Variants in CDH22 observed in about 807,000 individuals in gnomAD.
CDH22 encodes cadherin 22, also known as cadherin-22.
CDH22 carries 30 observed loss-of-function variants against 58.4 expected under a neutral mutation model. The observed-to-expected ratio is 0.51, with a 90% CI of 0.38 to 0.70. The LOEUF is 0.70. CDH22 is among the 30% of genes least tolerant of loss of function. CDH22 has a pLI of 0.00. For missense variants in CDH22, 1,014 were observed against 1,233.9 expected, an observed-to-expected ratio of 0.82 and a Z score of 2.67; for synonymous variants, 513 against 558.2, an observed-to-expected ratio of 0.92 and a Z score of 1.14.
At chr20:46,267,136 A>G (rs537374042) in intron 1 of CDH22, among the ~76,000 whole-genome samples, 1 of 152,080 alleles carries the variant, frequency 6.6e-6, no homozygotes, top group Non-Finnish European at 1.5e-5. Context: ...CTTGTCCAAG[A>G]TTACAGCCAG....
intron 1 of CDH22, among the ~76,000 whole-genome samples, chr20:46,253,580 G>A (rs115821116): frequency 0.01 from 1,555 of 152,276 alleles, 23 homozygotes; most frequent in African/African-American, 0.035. Context: ...GCCCTGCTCC[G>A]CAAGCCCTGC....
At chr20:46,232,269 G>T (rs2086225026) in intron 3 of CDH22, among the ~76,000 whole-genome samples, 1 of 152,112 alleles carries the variant, frequency 6.6e-6, no homozygotes, top group Non-Finnish European at 1.5e-5. Context: ...TCTGGGAGTG[G>T]GTGGTGCTGC....
intron 1 of CDH22, among the ~76,000 whole-genome samples, chr20:46,262,570 A>G (rs1193998073): frequency 6.6e-6 from 1 of 152,202 alleles, no homozygotes; most frequent in African/African-American, 2.4e-5. Flanking sequence ...TTAGAGTAAC[A>G]AAAGGTTTTT....
intron 10 of CDH22, among the ~76,000 whole-genome samples, chr20:46,178,892 A>G (rs2085763493): frequency 6.6e-6 from 1 of 152,030 alleles, no homozygotes; most frequent in Non-Finnish European, 1.5e-5. Context: ...GGGCCTGATG[A>G]GGGGCCCTGG....
intron 1 of CDH22, among the ~76,000 whole-genome samples, chr20:46,261,479 C>T (rs1452903322): frequency 6.6e-6 from 1 of 152,190 alleles, no homozygotes; most frequent in East Asian, 1.9e-4. Context: ...TTGCCTCCTG[C>T]TCCAGCGCCA....
intron 1 of CDH22, among the ~76,000 whole-genome samples, chr20:46,303,763 G>A (rs149455279): frequency 3.9e-5 from 6 of 152,156 alleles, no homozygotes; most frequent in East Asian, 1.9e-4. Flanking sequence ...GGATGCAGAC[G>A]GATTACAAGG....
intron 1 of CDH22, among the ~76,000 whole-genome samples, chr20:46,285,982 A>G (rs2086575191): frequency 6.6e-6 from 1 of 152,210 alleles, no homozygotes; most frequent in South Asian, 2.1e-4. Flanking sequence ...CATTTTTGTC[A>G]GGCCTTCAGG....
chr20:46,188,097 T>G (rs1321001), intron 8 of CDH22, among the ~76,000 whole-genome samples: 42,206 of 152,066 alleles, frequency 0.28, 7,929 homozygotes, highest in African/African-American at 0.53. Context: ...ATATGGTACA[T>G]GTAAATTCTA....
Position 46,210,338 on chromosome 20 carries a change from G to C in CDH22, c.1255C>G (p.Arg419Gly). 1 of 1,462,000 alleles carries C rather than the reference G, an allele frequency of 6.8e-7. No homozygotes were observed. The highest frequency in any genetic ancestry group is 1.3e-5 in the South Asian group (1 of 75,916). The allele number at this position is 1,462,000 out of a possible 1,614,324, so 90.6% of individuals were successfully genotyped here. A position where few individuals can be genotyped will look rare whatever the true frequency, so the allele number is the denominator to read the frequency against. Residue 419 changes from arginine to glycine, a missense_variant, in exon 7 of 12, where the codon CGG becomes GGG. By Grantham distance (125) the Arg-to-Gly change is moderately radical (BLOSUM62 -2). Transcript: ENST00000537909. The surrounding 1 kb of genome is among the most constrained non-coding windows in gnomAD (Gnocchi z 4.5). ...GGCCGGTTGGCGGCGTCGGGGTCCC[G>C]CGCCGTCACCACGCCGACCAGGGAG... ...VGSLVGVVTA[R>G]DPDAANRPVR...
intron 4 of CDH22, among the ~76,000 whole-genome samples, chr20:46,221,908 A>G (rs550975127): frequency 1.3e-4 from 20 of 152,202 alleles, no homozygotes; most frequent in Non-Finnish European, 2.6e-4. Context: ...TCACTCATTC[A>G]TTCATTACAG....
At chr20:46,259,659 C>T (rs556440155) in intron 1 of CDH22, among the ~76,000 whole-genome samples, 7 of 152,142 alleles carry the variant, frequency 4.6e-5, no homozygotes, top group Non-Finnish European at 1.0e-4. Flanking sequence ...GGAGGGCTGC[C>T]TGGAGGAGGG....
chr20:46,174,403 G>A lies in CDH22; in HGVS notation c.*103C>T. On this transcript the variant is annotated 3_prime_UTR_variant, in exon 12 of 12. Coordinates refer to ENST00000537909, the MANE Select transcript of CDH22 (RefSeq NM_021248.3). This position sits in a 1 kb window ranked among gnomAD's most constrained non-coding sequence, Gnocchi z 4.4. ...TCCGTCCAGCCGCCAAGGGAGGGTT[G>A]GGGGAGGGCAGGAAAGGGGGTCCGC... The A allele has an allele frequency of 1.3e-6, 1 of 779,970 alleles. No individual in the cohort carries two copies. The highest frequency in any genetic ancestry group is 1.9e-6 in the Non-Finnish European group (1 of 527,032). The allele number at this position is 779,970 out of a possible 1,614,324, so 48.3% of individuals were successfully genotyped here.
At chr20:46,227,330 T>C (rs1353049291) in intron 4 of CDH22, among the ~76,000 whole-genome samples, 178 bp downstream of exon 4, 1 of 152,202 alleles carries the variant, frequency 6.6e-6, no homozygotes, top group Non-Finnish European at 1.5e-5. Flanking sequence ...TCTTCCTGCC[T>C]GGCTGCCCCT....
At chr20:46,226,334 A>G (rs143546193) in intron 4 of CDH22, among the ~76,000 whole-genome samples, 2,796 of 142,986 alleles carry the variant, frequency 0.02, 74 homozygotes, top group African/African-American at 0.049. Flanking sequence ...TGCTCAGGCT[A>G]GAGTGTGATG....
intron 7 of CDH22, among the ~76,000 whole-genome samples, chr20:46,205,030 T>A (rs1170759251): frequency 6.6e-6 from 1 of 151,710 alleles, no homozygotes; most frequent in Non-Finnish European, 1.5e-5. Context: ...CGGGGTGTAG[T>A]TCGGGAGCCT....
Position 46,186,600 on chromosome 20 carries a change from G to A in CDH22, c.1651C>T (p.Leu551Phe), listed in dbSNP as rs1192976787. The A allele has an allele frequency of 6.2e-7, 1 of 1,610,822 alleles. No homozygotes were observed. The highest frequency in any genetic ancestry group is 8.5e-7 in the Non-Finnish European group (1 of 1,178,696). ...EAPSNPHFSL[L>F]DIQDNTAAVH... Reference sequence around the variant, plus strand: ...TTTGGAGGCTCACCTTGGATGTCAAGCAGAGAGAAATGAGGGTTGCTGGGA... The same window carrying A: ...TTTGGAGGCTCACCTTGGATGTCAAACAGAGAGAAATGAGGGTTGCTGGGA... Residue 551 changes from leucine to phenylalanine, a missense_variant, in exon 10 of 12, where the codon CTT becomes TTT. Coordinates refer to ENST00000537909, the MANE Select transcript of CDH22 (RefSeq NM_021248.3).
In CDH22 at chr20:46,262,179, G is replaced by A. The variant is rs995790336; in HGVS notation, c.-399-10486C>T. On this transcript the variant is annotated intron_variant, in intron 1 of 11. Transcript: ENST00000537909. ...GATGCACGTGTAGTGTTGGGACAGA[G>A]GGTGTTTGCATCTCTGAGTGTATTT... is the stretch of plus-strand genomic sequence containing the variant. Among the ~76,000 whole-genome samples the A allele has an allele frequency of 1.2e-3, 184 of 151,758 alleles. 4 individuals carry two copies. The highest frequency in any genetic ancestry group is 6.0e-4 in the Non-Finnish European group (41 of 67,930).
chr20:46,294,691 A>G (rs1421929572), intron 1 of CDH22, among the ~76,000 whole-genome samples: 4 of 152,062 alleles, frequency 2.6e-5, no homozygotes, highest in South Asian at 2.1e-4. Context: ...GCTCCCCCCA[A>G]CCTCTGCTGG....
chr20:46,247,796 CA>C (rs1198554911), intron 2 of CDH22, among the ~76,000 whole-genome samples: 1 of 152,172 alleles, frequency 6.6e-6, no homozygotes, highest in Non-Finnish European at 1.5e-5. Flanking sequence ...GTACATTGGG[CA>C]AATATTTGCT....
Sources: allele counts gnomAD v4.1 joint callset (sites outside exome capture counted in the v4.1 genomes callset), GRCh38; gene constraint gnomAD v4.1.1; non-coding constraint Gnocchi (gnomAD v3.1); transcripts MANE v1.5; gene names NCBI Gene and HGNC (gene_info 2026-07-23, HGNC 2026-07-21).